The following MCF2L variants were observed in gnomAD, a reference collection of about 807,000 sequenced individuals.
MCF2L encodes guanine nucleotide exchange factor DBS.
A neutral mutation model predicts 153.4 loss-of-function variants in MCF2L; 97 were observed. That is an observed-to-expected ratio of 0.63 (90% CI 0.54 to 0.75). The LOEUF is 0.75. MCF2L is among the 30% of genes least tolerant of loss of function. MCF2L has a pLI of 0.00. For missense variants in MCF2L, 1,347 were observed against 1,495.2 expected, an observed-to-expected ratio of 0.90 and a Z score of 1.64; for synonymous variants, 659 against 632.2, an observed-to-expected ratio of 1.04 and a Z score of -0.64.
At chr13:112,970,663 A>C (rs975109936) in intron 1 of MCF2L, among the ~76,000 whole-genome samples, 2 of 152,068 alleles carry the variant, frequency 1.3e-5, no homozygotes, top group African/African-American at 4.8e-5. Flanking sequence ...CTTGCTCTGC[A>C]TGCCTCTGCG....
At chr13:113,072,199 C>T (rs1385381796) in intron 9 of MCF2L, among the ~76,000 whole-genome samples, 1 of 152,216 alleles carries the variant, frequency 6.6e-6, no homozygotes, top group East Asian at 1.9e-4. Context: ...CTCCTGCGAC[C>T]TTGCTGAGCA....
intron 1 of MCF2L, among the ~76,000 whole-genome samples, chr13:113,008,142 C>T (rs2873373): frequency 0.94 from 142,981 of 152,252 alleles, 67,778 homozygotes; most frequent in East Asian, 1. Context: ...GTCTTGAACT[C>T]CTGACCTCAA....
intron 3 of MCF2L, among the ~76,000 whole-genome samples, chr13:113,026,501 A>G (rs1164615992): frequency 1.3e-5 from 2 of 152,214 alleles, no homozygotes; most frequent in African/African-American, 4.8e-5. Context: ...CCAGTTGCTC[A>G]GCAGTCGGGA....
chr13:112,995,770 C>T (rs1039297272), intron 1 of MCF2L, among the ~76,000 whole-genome samples: 5 of 152,112 alleles, frequency 3.3e-5, no homozygotes, highest in African/African-American at 1.2e-4. Context: ...GCCCTCTCCC[C>T]CAGACTCCTC....
At chr13:113,096,268 C>T (rs1054828648) in intron 27 of MCF2L, 103 bp from the exon 28 acceptor site, 1 of 896,556 alleles carries the variant, frequency 1.1e-6, no homozygotes, top group Non-Finnish European at 1.8e-6. Flanking sequence ...CAGGAGCTCC[C>T]ACCGGGGCAG....
intron 2 of MCF2L, among the ~76,000 whole-genome samples, chr13:113,020,468 A>C (rs1341029177): frequency 6.6e-6 from 1 of 152,216 alleles, no homozygotes; most frequent in Non-Finnish European, 1.5e-5. Context: ...AAAGTCCCCT[A>C]GACTGAGTGG....
intron 2 of MCF2L, among the ~76,000 whole-genome samples, chr13:112,922,965 C>T (rs1566640216): frequency 6.6e-6 from 1 of 152,188 alleles, no homozygotes; most frequent in African/African-American, 2.4e-5. Context: ...AAAAAGCACT[C>T]GACAAATGCG....
intron 1 of MCF2L, among the ~76,000 whole-genome samples, chr13:112,973,562 C>T (rs1251485042): frequency 6.6e-6 from 1 of 152,178 alleles, no homozygotes; most frequent in African/African-American, 2.4e-5. Flanking sequence ...CGCCACGGCT[C>T]AGTGCTTCCC....
At chr13:113,005,431 G>T (rs556560271) in intron 1 of MCF2L, among the ~76,000 whole-genome samples, 1 of 152,186 alleles carries the variant, frequency 6.6e-6, no homozygotes, top group Non-Finnish European at 1.5e-5. Context: ...TTCGTGGTGG[G>T]CCATGGACTA....
chr13:112,958,447 C>G (rs933658115), intron 2 of MCF2L, among the ~76,000 whole-genome samples: 1 of 152,212 alleles, frequency 6.6e-6, no homozygotes, highest in Non-Finnish European at 1.5e-5. Flanking sequence ...CCATTCGGAG[C>G]CAGCTGACCG....
At chr13:113,065,209 T>A in intron 7 of MCF2L, 124 bp downstream of exon 7, 1 of 1,211,812 alleles carries the variant, frequency 8.3e-7, no homozygotes, top group Non-Finnish European at 1.2e-6. Context: ...CAGCAGCACG[T>A]AAGACCAAGA....
At chr13:112,926,098 C>T (rs1169228590) in intron 2 of MCF2L, among the ~76,000 whole-genome samples, 3 of 152,342 alleles carry the variant, frequency 2.0e-5, no homozygotes, top group South Asian at 2.1e-4. Context: ...ATAAACAGAA[C>T]ATGGTCCGTA....
At chr13:113,094,350 G>C (rs1433893411) in intron 26 of MCF2L, 164 bp from the exon 27 acceptor site, 7 of 589,878 alleles carry the variant, frequency 1.2e-5, no homozygotes, top group African/African-American at 3.9e-5. Context: ...GTTTGCAGGG[G>C]TGTCCTGCTC....
intron 1 of MCF2L, among the ~76,000 whole-genome samples, chr13:112,981,090 G>A (rs897875578): frequency 2.0e-5 from 3 of 149,960 alleles, no homozygotes; most frequent in African/African-American, 4.9e-5. Flanking sequence ...TGGGGACCCC[G>A]ACACGTCCCT....
chr13:113,070,494 T>C lies in MCF2L; in HGVS notation c.996+321T>C, dbSNP rs372780308. 5.5e-4 allele frequency: 110 copies of C among 199,572 alleles called. No homozygotes were observed. In the South Asian group the frequency reaches 8.3e-3, roughly 15 times the overall value. The allele number at this position is 199,572 out of a possible 1,614,324, so 12.4% of individuals were successfully genotyped here. A position where few individuals can be genotyped will look rare whatever the true frequency, so the allele number is the denominator to read the frequency against. On this transcript the variant is annotated intron_variant, in intron 9 of 29. Transcript: ENST00000535094. This position sits in a 1 kb window ranked among gnomAD's most constrained non-coding sequence, Gnocchi z 5.6. Reference sequence around the variant, plus strand: ...CATTTGCATGCCCTTTTATTCAACATGCATGTAGGATGTGCCTGCTGTGTG... The same window carrying C: ...CATTTGCATGCCCTTTTATTCAACACGCATGTAGGATGTGCCTGCTGTGTG...
intron 15 of MCF2L, 132 bp downstream of exon 15, chr13:113,078,871 T>C: frequency 1.2e-6 from 1 of 860,484 alleles, no homozygotes; most frequent in Non-Finnish European, 1.8e-6. Context: ...TTCTTACTTT[T>C]GCACCAACCG....
chr13:113,092,351 C>T (rs1411628299), intron 26 of MCF2L, among the ~76,000 whole-genome samples: 4 of 152,160 alleles, frequency 2.6e-5, no homozygotes, highest in Non-Finnish European at 5.9e-5. Context: ...GCCCGTGGGT[C>T]ATTTCCACCG....
intron 1 of MCF2L, among the ~76,000 whole-genome samples, chr13:112,896,404 G>T (rs1180584464): frequency 1.3e-5 from 2 of 151,958 alleles, no homozygotes; most frequent in Non-Finnish European, 2.9e-5. Flanking sequence ...GAATCTGAAC[G>T]TTTATTTTGG....
Position 113,074,382 on chromosome 13 carries a change from G to A in MCF2L, c.997-62G>A, listed in dbSNP as rs528937043. ...CATTTCCCTGATCTGGAGCACTGGAGTGGGTTCTCTCTGTTCAGGTGAGGG... is the reference window on the plus strand; with the variant it reads ...CATTTCCCTGATCTGGAGCACTGGAATGGGTTCTCTCTGTTCAGGTGAGGG... On this transcript the variant is annotated intron_variant, in intron 9 of 29. Transcript: ENST00000535094. This position sits in a 1 kb window ranked among gnomAD's most constrained non-coding sequence, Gnocchi z 4.2. 4.2e-5 allele frequency: 67 copies of A among 1,580,122 alleles called. No individual in the cohort carries two copies. In the African/African-American group the frequency reaches 7.7e-4, roughly 18 times the overall value.
Sources: gnomAD v4.1 joint callset for allele counts (sites outside exome capture counted in the v4.1 genomes callset) on GRCh38, gnomAD v4.1.1 for gene constraint, Gnocchi (gnomAD v3.1) non-coding constraint, MANE v1.5 for transcripts, NCBI Gene and HGNC (gene_info 2026-07-23, HGNC 2026-07-21) for gene names.